The following SLC5A4 variants were observed in gnomAD, a reference collection of about 807,000 sequenced individuals.
The protein encoded by SLC5A4 is solute carrier family 5 member 4.
A neutral mutation model predicts 70.3 loss-of-function variants in SLC5A4; 55 were observed. The observed-to-expected ratio is 0.78, with a 90% CI of 0.63 to 0.98. The LOEUF (loss-of-function observed/expected upper bound fraction) is 0.98. Among genes scored for constraint, SLC5A4 ranks in the 50% least tolerant of loss-of-function variants. The pLI is 0.00. For synonymous variants in SLC5A4, 268 were observed against 305.7 expected (o/e 0.88, Z 1.29); for missense variants, 735 against 839.2 (o/e 0.88, Z 1.53).
chr22:32,309,364 CTT>C, the SLC5A4 span, among the ~76,000 whole-genome samples: 1 of 152,108 alleles, frequency 6.6e-6, no homozygotes, highest in Admixed American at 6.6e-5. Context: ...ATCTTATCCT[CTT>C]GTGTTTTTTT....
At chr22:32,269,354 T>C in the SLC5A4 span, 20 of 361,510 alleles carry the variant, frequency 5.5e-5, no homozygotes, top group South Asian at 1.4e-4. The surrounding 1 kb of genome is among the most constrained non-coding windows in gnomAD (Gnocchi z 4.1). Flanking sequence ...TTTGATTCCA[T>C]AGGAGTGGGC....
At chr22:32,349,617 C>T in the SLC5A4 span, among the ~76,000 whole-genome samples, 2 of 152,136 alleles carry the variant, frequency 1.3e-5, no homozygotes, top group African/African-American at 2.4e-5. Flanking sequence ...GCCTTTATTC[C>T]CCAAAGATTA....
At chr22:32,240,583 C>T (rs900355887) in intron 5 of SLC5A4, among the ~76,000 whole-genome samples, 1 of 151,974 alleles carries the variant, frequency 6.6e-6, no homozygotes, top group Non-Finnish European at 1.5e-5. Context: ...GAACTGAGTC[C>T]GTTTTAAGAG....
chr22:32,330,212 A>G, the SLC5A4 span, among the ~76,000 whole-genome samples: 2 of 46,936 alleles, frequency 4.3e-5, no homozygotes, highest in Non-Finnish European at 8.0e-5. Context: ...CCCTGTGTGT[A>G]TTGCGGGCTC....
upstream of SLC5A4, among the ~76,000 whole-genome samples, chr22:32,256,016 CAAG>C (rs1927468286): frequency 6.6e-6 from 1 of 152,014 alleles, no homozygotes; most frequent in Admixed American, 6.5e-5. Flanking sequence ...GGACTACAGC[CAAG>C]AAGAAGTTAG....
chr22:32,338,097 G>A, the SLC5A4 span, among the ~76,000 whole-genome samples: 4 of 152,096 alleles, frequency 2.6e-5, no homozygotes, highest in Admixed American at 2.0e-4. Context: ...TTAAATCAGC[G>A]ATGATATTGC....
intron 7 of SLC5A4, 82 bp downstream of exon 7, chr22:32,237,162 C>G: frequency 1.1e-6 from 1 of 930,410 alleles, no homozygotes; most frequent in Non-Finnish European, 1.7e-6. Flanking sequence ...GGAAGGCATC[C>G]CAATAAAGAG....
In SLC5A4 at chr22:32,224,429, T is replaced by C; in HGVS notation, c.1503A>G (p.Ile501Met). ...VGLAMGLIRMITEFAYGTGSC... is the reference protein window; with the variant it reads ...VGLAMGLIRMMTEFAYGTGSC... Reference sequence around the variant, plus strand: ...TCCCTGTTCCATAAGCAAACTCTGTTATCATACGAATGAGGCCCATTGCAA... The same window carrying C: ...TCCCTGTTCCATAAGCAAACTCTGTCATCATACGAATGAGGCCCATTGCAA... The change falls in exon 13 of 15, where the codon ATA (isoleucine) becomes ATG (methionine). Residue 501 changes from isoleucine (I) to methionine (M), a missense_variant. Ile to Met is a conservative substitution (Grantham distance 10). Coordinates refer to ENST00000266086, the MANE Select transcript of SLC5A4 (RefSeq NM_014227.3). 6.2e-7 allele frequency: 1 copy of C among 1,614,068 alleles called. No individual in the cohort carries two copies. Among genetic ancestry groups the C allele is most frequent in the South Asian group, 1.1e-5 (1 of 91,078 alleles).
the SLC5A4 span, among the ~76,000 whole-genome samples, chr22:32,353,242 T>C: frequency 6.6e-6 from 1 of 152,084 alleles, no homozygotes; most frequent in Non-Finnish European, 1.5e-5. Flanking sequence ...CTGGCTGCGT[T>C]CCTCGGGAAG....
At chr22:32,259,876 G>T (rs1462552247), upstream of SLC5A4, among the ~76,000 whole-genome samples, 1 of 152,202 alleles carries the variant, frequency 6.6e-6, no homozygotes, top group Admixed American at 6.5e-5. Context: ...GGAGAAGGGA[G>T]TATTCACAGG....
chr22:32,272,394 G>C, the SLC5A4 span: 1 of 908,942 alleles, frequency 1.1e-6, no homozygotes, highest in South Asian at 1.4e-5. Context: ...GGGCCAGCGA[G>C]CTGACGGGCA....
At chr22:32,254,300 G>T in intron 1 of SLC5A4, 87 bp from the exon 2 acceptor site, 1 of 911,178 alleles carries the variant, frequency 1.1e-6, no homozygotes, top group Non-Finnish European at 1.8e-6. Context: ...GCTGAGAGGG[G>T]TGACTTCAGC....
chr22:32,265,018 T>G, the SLC5A4 span, among the ~76,000 whole-genome samples: 1 of 152,202 alleles, frequency 6.6e-6, no homozygotes, highest in Non-Finnish European at 1.5e-5. Flanking sequence ...CACAAATAAT[T>G]TATATAGAAT....
chr22:32,314,830 T>TGAGC, the SLC5A4 span, among the ~76,000 whole-genome samples: 1 of 151,804 alleles, frequency 6.6e-6, no homozygotes, highest in South Asian at 2.1e-4. Context: ...ACAGAGAGAG[T>TGAGC]GAGCGAGCTT....
the SLC5A4 span, among the ~76,000 whole-genome samples, chr22:32,282,314 A>G: frequency 6.6e-6 from 1 of 152,134 alleles, no homozygotes. Flanking sequence ...GCTGGCAGAC[A>G]TCGGCTGTCT....
At chr22:32,231,694 T>G (rs910712199) in intron 9 of SLC5A4, among the ~76,000 whole-genome samples, 1 of 152,266 alleles carries the variant, frequency 6.6e-6, no homozygotes, top group Non-Finnish European at 1.5e-5. Context: ...AATCCTTTTC[T>G]ATAGAGAAAT....
At chr22:32,271,317 C>T in the SLC5A4 span, 68 of 738,716 alleles carry the variant, frequency 9.2e-5, no homozygotes, top group Non-Finnish European at 1.4e-4. Context: ...AGGCCATGTG[C>T]CAGGAGGAGC....
Position 32,255,276 on chromosome 22 carries a change from T to C in SLC5A4, c.54A>G (p.Pro18=). 2 of 1,614,082 alleles carry C rather than the reference T, an allele frequency of 1.2e-6. No homozygotes were observed. The highest frequency in any genetic ancestry group is 1.7e-6 in the Non-Finnish European group (2 of 1,179,992). ...CAGCATTTCGGATGTGGTCAGACAA[T>C]GGAGGTGGCTCTGGGGTCTCAGCTA... The part of the protein sequence containing the change: ...STIAETPEPP[P]LSDHIRNAAD... Residue 18 remains proline, a synonymous_variant, in exon 1 of 15, where the codon CCA becomes CCG. Coordinates refer to ENST00000266086, the MANE Select transcript of SLC5A4 (RefSeq NM_014227.3).
chr22:32,352,326 G>A, the SLC5A4 span, among the ~76,000 whole-genome samples: 10 of 150,720 alleles, frequency 6.6e-5, no homozygotes, highest in African/African-American at 2.4e-4. Flanking sequence ...CAAATGACGA[G>A]TTAATGGGTG....
Sources: allele counts gnomAD v4.1 joint callset (sites outside exome capture counted in the v4.1 genomes callset), GRCh38; gene constraint gnomAD v4.1.1; non-coding constraint Gnocchi (gnomAD v3.1); transcripts MANE v1.5; gene names NCBI Gene and HGNC (gene_info 2026-07-23, HGNC 2026-07-21).